The following ARHGAP15 variants were observed in gnomAD, a reference collection of about 807,000 sequenced individuals.
ARHGAP15 encodes the protein rho GTPase-activating protein 15.
In ARHGAP15, 51 loss-of-function variants were observed where a neutral mutation model predicts 63.7. The ratio of observed to expected loss-of-function variants is 0.80; its 90% CI spans 0.64 to 1.01. ARHGAP15 has a LOEUF of 1.01. ARHGAP15 is among the 50% of genes least tolerant of loss of function. ARHGAP15 has a pLI of 0.00. For synonymous variants in ARHGAP15, 191 were observed against 193.8 expected (o/e 0.99, Z 0.12); for missense variants, 560 against 564.6 (o/e 0.99, Z 0.08).
At chr2:143,409,958 AC>A in intron 6 of ARHGAP15, among the ~76,000 whole-genome samples, 1 of 151,980 alleles carries the variant, frequency 6.6e-6, no homozygotes, top group Non-Finnish European at 1.5e-5. Flanking sequence ...CTGTAGGAGC[AC>A]CCTTTCTTCC....
intron 6 of ARHGAP15, among the ~76,000 whole-genome samples, chr2:143,412,514 G>C (rs1688490815): frequency 6.6e-6 from 1 of 152,062 alleles, no homozygotes; most frequent in Admixed American, 6.6e-5. Context: ...GGTTTCTTGT[G>C]AAAATTACTT....
chr2:143,481,299 A>G (rs1333904357), intron 8 of ARHGAP15, among the ~76,000 whole-genome samples: 2 of 152,142 alleles, frequency 1.3e-5, no homozygotes, highest in African/African-American at 4.8e-5. Flanking sequence ...TAAAGTGAGA[A>G]CAAGTAGTGT....
intron 13 of ARHGAP15, among the ~76,000 whole-genome samples, chr2:143,746,700 CAT>C (rs1686177973): frequency 6.6e-6 from 1 of 152,132 alleles, no homozygotes; most frequent in African/African-American, 2.4e-5. Flanking sequence ...GAGAGTAAAA[CAT>C]ATGTGAATGA....
intron 6 of ARHGAP15, among the ~76,000 whole-genome samples, chr2:143,287,773 A>ATCTG (rs1250425294): frequency 6.6e-6 from 1 of 152,112 alleles, no homozygotes; most frequent in Non-Finnish European, 1.5e-5. Context: ...ATTGCACTCC[A>ATCTG]GCCTGGGGGA....
At chr2:143,134,313 A>C (rs1474387524) in intron 1 of ARHGAP15, among the ~76,000 whole-genome samples, 2 of 152,316 alleles carry the variant, frequency 1.3e-5, no homozygotes, top group East Asian at 3.9e-4. Flanking sequence ...AACTTCCACC[A>C]GCACTTAATG....
intron 13 of ARHGAP15, among the ~76,000 whole-genome samples, chr2:143,706,766 G>A (rs758884067): frequency 6.6e-6 from 1 of 152,084 alleles, no homozygotes; most frequent in Admixed American, 6.5e-5. Flanking sequence ...CCAGGAATTC[G>A]GAATAAGCTA....
intron 6 of ARHGAP15, among the ~76,000 whole-genome samples, chr2:143,294,745 C>T (rs1682563090): frequency 6.6e-6 from 1 of 151,994 alleles, no homozygotes; most frequent in Non-Finnish European, 1.5e-5. Flanking sequence ...AGTGATTAGT[C>T]CAAAGAAGTG....
At chr2:143,251,152 T>C (rs894462042) in intron 6 of ARHGAP15, among the ~76,000 whole-genome samples, 8 of 152,036 alleles carry the variant, frequency 5.3e-5, no homozygotes, top group Non-Finnish European at 1.0e-4. Flanking sequence ...CCAGATGAAA[T>C]CCTTGAGAGA....
intron 6 of ARHGAP15, among the ~76,000 whole-genome samples, chr2:143,334,438 C>A (rs1214551400): frequency 1.3e-5 from 2 of 152,192 alleles, no homozygotes; most frequent in African/African-American, 2.4e-5. Context: ...GTTGCACACA[C>A]ATATGTGTCC....
At chr2:143,371,718 A>C (rs1574348403) in intron 6 of ARHGAP15, among the ~76,000 whole-genome samples, 1 of 152,242 alleles carries the variant, frequency 6.6e-6, no homozygotes, top group South Asian at 2.1e-4. Flanking sequence ...TACAACCAAT[A>C]TTATACTTTG....
intron 12 of ARHGAP15, among the ~76,000 whole-genome samples, chr2:143,680,751 C>T (rs1396491181): frequency 1.3e-5 from 2 of 152,284 alleles, no homozygotes; most frequent in Non-Finnish European, 2.9e-5. Context: ...GATAAGCCTG[C>T]ATAGGTGGCA....
At chr2:143,445,548 C>T (rs1050152741) in intron 8 of ARHGAP15, among the ~76,000 whole-genome samples, 3 of 149,934 alleles carry the variant, frequency 2.0e-5, no homozygotes, top group African/African-American at 7.6e-5. Flanking sequence ...TCATTATGAT[C>T]TGTGCCCCTT....
chr2:143,348,849 T>C (rs1351524523), intron 6 of ARHGAP15, among the ~76,000 whole-genome samples: 1 of 152,178 alleles, frequency 6.6e-6, no homozygotes, highest in Non-Finnish European at 1.5e-5. Flanking sequence ...AGATCCTTTT[T>C]ATATGGAGAT....
chr2:143,765,112 TG>T (rs1686904530), intron 13 of ARHGAP15, among the ~76,000 whole-genome samples: 1 of 35,256 alleles, frequency 2.8e-5, no homozygotes, highest in African/African-American at 7.0e-5. Context: ...CTAAAATATG[TG>T]TGTGTGTGTG....
intron 6 of ARHGAP15, among the ~76,000 whole-genome samples, chr2:143,401,462 C>A (rs778852313): frequency 5.3e-5 from 8 of 151,948 alleles, no homozygotes; most frequent in Non-Finnish European, 1.0e-4. Context: ...ACTGATTCAA[C>A]AGTAACTGAG....
At chr2:143,656,655 T>C (rs750119103) in intron 12 of ARHGAP15, among the ~76,000 whole-genome samples, 6 of 152,340 alleles carry the variant, frequency 3.9e-5, no homozygotes, top group East Asian at 1.9e-4. Context: ...GAGATCTTGA[T>C]TGAGAACATT....
At chr2:143,703,785 G>T (rs554426985) in intron 13 of ARHGAP15, 4 of 295,922 alleles carry the variant, frequency 1.4e-5, no homozygotes, top group Non-Finnish European at 2.5e-5. Flanking sequence ...CAGAACCATC[G>T]CCTGGACCCT....
intron 12 of ARHGAP15, among the ~76,000 whole-genome samples, chr2:143,677,872 A>G (rs1201363968): frequency 6.6e-6 from 1 of 152,230 alleles, no homozygotes; most frequent in Non-Finnish European, 1.5e-5. Flanking sequence ...TAAAAGGCAG[A>G]AAGTCATGTG....
At chr2:143,243,919 A>T (rs1693955108) in intron 5 of ARHGAP15, among the ~76,000 whole-genome samples, 1 of 152,088 alleles carries the variant, frequency 6.6e-6, no homozygotes, top group African/African-American at 2.4e-5. Flanking sequence ...GAATATATTT[A>T]TTATTACTTA....
Sources: gnomAD v4.1 joint callset for allele counts (sites outside exome capture counted in the v4.1 genomes callset) on GRCh38, gnomAD v4.1.1 for gene constraint, MANE v1.5 for transcripts, NCBI Gene and HGNC (gene_info 2026-07-23, HGNC 2026-07-21) for gene names.